The following MAP7 variants were observed in gnomAD, a reference collection of about 807,000 sequenced individuals.
MAP7 encodes the protein microtubule associated protein 7.
A neutral mutation model predicts 94.8 loss-of-function variants in MAP7; 52 were observed. The ratio of observed to expected loss-of-function variants is 0.55; its 90% CI spans 0.44 to 0.69. The LOEUF (loss-of-function observed/expected upper bound fraction) is 0.69. MAP7 is among the 30% of genes least tolerant of loss of function. The pLI is 0.00. For synonymous variants in MAP7, 350 were observed against 357.0 expected (o/e 0.98, Z 0.22); for missense variants, 940 against 964.6 (o/e 0.97, Z 0.34).
intron 8 of MAP7, among the ~76,000 whole-genome samples, chr6:136,366,901 C>T (rs1794484030): frequency 6.6e-6 from 1 of 151,970 alleles, no homozygotes; most frequent in Non-Finnish European, 1.5e-5. Context: ...AATTATATGC[C>T]TGCTATATTA....
chr6:136,527,372 A>T (rs1418117936), intron 1 of MAP7, among the ~76,000 whole-genome samples: 1 of 152,230 alleles, frequency 6.6e-6, no homozygotes. Flanking sequence ...AATAAAAATC[A>T]AGTCTGCTTA....
chr6:136,413,509 G>C (rs771057268), intron 2 of MAP7, among the ~76,000 whole-genome samples: 1 of 150,250 alleles, frequency 6.7e-6, no homozygotes, highest in South Asian at 2.1e-4. Flanking sequence ...GGGAGACAGA[G>C]CGAGACACCG....
intron 1 of MAP7, among the ~76,000 whole-genome samples, chr6:136,512,730 G>C (rs1160076675): frequency 6.6e-6 from 1 of 152,158 alleles, no homozygotes; most frequent in East Asian, 1.9e-4. Flanking sequence ...AGCCTTTAGT[G>C]AGTTGTAATC....
intron 3 of MAP7, among the ~76,000 whole-genome samples, chr6:136,393,798 ATTTTTTT>A (rs61666828): frequency 5.9e-5 from 5 of 84,434 alleles, no homozygotes; most frequent in African/African-American, 8.8e-5. Context: ...ATTCAGCAAA[ATTTTTTT>A]TTTTTTTTTT....
chr6:136,485,846 G>A (rs1287674123), intron 1 of MAP7, among the ~76,000 whole-genome samples: 1 of 152,178 alleles, frequency 6.6e-6, no homozygotes, highest in Non-Finnish European at 1.5e-5. Context: ...ACAGGCGTGA[G>A]CCACCGCGCC....
intron 1 of MAP7, among the ~76,000 whole-genome samples, chr6:136,507,371 A>G (rs1461889399): frequency 2.0e-5 from 3 of 151,852 alleles, no homozygotes; most frequent in Admixed American, 6.6e-5. Flanking sequence ...AACCTGCCTA[A>G]AGTCAGAATT....
Position 136,362,628 on chromosome 6 carries a change from T to A in MAP7, c.1348A>T (p.Thr450Ser), listed in dbSNP as rs772486387. The A allele has an allele frequency of 5.6e-6, 9 of 1,611,968 alleles. No homozygotes were observed. The highest frequency in any genetic ancestry group is 3.3e-5 in the South Asian group (3 of 90,936). The change falls in exon 11 of 18, where the codon ACC (threonine) becomes TCC (serine). Residue 450 changes from threonine (T) to serine (S), a missense_variant. Physicochemically the swap from Thr to Ser is moderately conservative, Grantham distance 58. Coordinates refer to ENST00000354570, the MANE Select transcript of MAP7 (RefSeq NM_003980.6). The part of the protein sequence containing the change: ...ASAPAPAPVP[T>S]PAMVSAPSST... ...GACGGGGCTGAGACCATGGCTGGGGTGGGGACCGGGGCTGGAGCTGGGGCC... is the reference window on the plus strand; with the variant it reads ...GACGGGGCTGAGACCATGGCTGGGGAGGGGACCGGGGCTGGAGCTGGGGCC...
At chr6:136,513,376 A>C (rs1823816341) in intron 1 of MAP7, among the ~76,000 whole-genome samples, 2 of 152,214 alleles carry the variant, frequency 1.3e-5, no homozygotes, top group Non-Finnish European at 2.9e-5. Flanking sequence ...TCTTCACCGT[A>C]AGTAGATTCC....
At chr6:136,498,773 G>GT (rs1819026613) in intron 1 of MAP7, among the ~76,000 whole-genome samples, 4 of 151,346 alleles carry the variant, frequency 2.6e-5, no homozygotes, top group African/African-American at 9.8e-5. Context: ...GTGTGTGTGT[G>GT]GAAAACCCAA....
intron 1 of MAP7, among the ~76,000 whole-genome samples, chr6:136,529,745 A>C (rs931114860): frequency 6.6e-6 from 1 of 152,190 alleles, no homozygotes; most frequent in South Asian, 2.1e-4. Context: ...TATGGGTAAA[A>C]ACATTACCAC....
At chr6:136,410,304 G>A (rs1787043635) in intron 3 of MAP7, among the ~76,000 whole-genome samples, 1 of 152,226 alleles carries the variant, frequency 6.6e-6, no homozygotes, top group South Asian at 2.1e-4. Context: ...TGAAAACAGA[G>A]TGTAAATAAC....
intron 1 of MAP7, among the ~76,000 whole-genome samples, chr6:136,535,223 T>C (rs746747016): frequency 1.6e-4 from 25 of 152,134 alleles, no homozygotes; most frequent in Non-Finnish European, 2.5e-4. Context: ...TAAGGTCTGG[T>C]TGTTTAAAAG....
chr6:136,447,538 A>C (rs1291890699), intron 1 of MAP7, among the ~76,000 whole-genome samples: 1 of 152,228 alleles, frequency 6.6e-6, no homozygotes, highest in Non-Finnish European at 1.5e-5. Flanking sequence ...GAGTATCATA[A>C]ATTTTTTAAA....
At chr6:136,434,913 C>T (rs1359049383) in intron 1 of MAP7, among the ~76,000 whole-genome samples, 5 of 152,166 alleles carry the variant, frequency 3.3e-5, no homozygotes, top group Admixed American at 3.3e-4. Flanking sequence ...CCACAGACTG[C>T]AATTTACATG....
chr6:136,439,124 T>C lies in MAP7; in HGVS notation c.68-17325A>G, dbSNP rs535618250. ...TATCCGCCAAAATGGTTTGAATGTA[T>C]GTATCAAACCAAAATACGGTTTGAA... is the stretch of plus-strand genomic sequence containing the variant. On this transcript the variant is annotated intron_variant, in intron 1 of 17. Transcript: ENST00000354570. Among the ~76,000 whole-genome samples the C allele has an allele frequency of 4.6e-5, 7 of 152,344 alleles. No homozygotes were observed. The South Asian group carries it at 1.4e-3, about 32-fold the overall frequency.
intron 3 of MAP7, among the ~76,000 whole-genome samples, chr6:136,407,459 G>A (rs182791878): frequency 5.4e-4 from 83 of 152,306 alleles, no homozygotes; most frequent in African/African-American, 1.9e-3. Flanking sequence ...GGCACTAATT[G>A]TGATACAGTG....
chr6:136,354,887 A>G (rs1790429181), intron 16 of MAP7, among the ~76,000 whole-genome samples: 1 of 152,242 alleles, frequency 6.6e-6, no homozygotes, highest in African/African-American at 2.4e-5. Flanking sequence ...CAAATTATGC[A>G]TAAATTAACT....
intron 1 of MAP7, among the ~76,000 whole-genome samples, chr6:136,481,080 C>A (rs1229126051): frequency 6.6e-6 from 1 of 152,132 alleles, no homozygotes; most frequent in Non-Finnish European, 1.5e-5. Flanking sequence ...TATCATCTCA[C>A]CCCCGTTAAA....
intron 1 of MAP7, among the ~76,000 whole-genome samples, chr6:136,540,659 A>G (rs74590242): frequency 0.02 from 3,084 of 152,322 alleles, 112 homozygotes; most frequent in East Asian, 0.14. Context: ...TGTGGTTTCC[A>G]TAAGCAAGGT....
Sources: allele counts gnomAD v4.1 joint callset (sites outside exome capture counted in the v4.1 genomes callset), GRCh38; gene constraint gnomAD v4.1.1; transcripts MANE v1.5; gene names NCBI Gene and HGNC (gene_info 2026-07-23, HGNC 2026-07-21).